The following TMEM102 variants were observed in gnomAD, a reference collection of about 807,000 sequenced individuals.
TMEM102 encodes the protein DANGER family member 2B.
TMEM102 carries 28 observed loss-of-function variants against 26.8 expected under a neutral mutation model. The ratio of observed to expected loss-of-function variants is 1.05; its 90% CI spans 0.77 to 1.43. TMEM102 has a LOEUF of 1.43. TMEM102 is among the 40% of genes most tolerant of loss of function. The probability of loss-of-function intolerance (pLI) is 0.00; values close to 1 mark genes in which losing one functional copy is unlikely to be tolerated. For missense variants in TMEM102, 677 were observed against 705.6 expected, an observed-to-expected ratio of 0.96 and a Z score of 0.46; for synonymous variants, 306 against 332.1, an observed-to-expected ratio of 0.92 and a Z score of 0.86.
Position 7,436,867 on chromosome 17 carries a change from C to G in TMEM102, c.888C>G (p.His296Gln). Reference protein sequence around the residue: ...GAPRLVHAARHAGFTTVLLAT... With the variant: ...GAPRLVHAARQAGFTTVLLAT... Reference sequence around the variant, plus strand: ...CGCGTCTGGTGCACGCAGCTCGCCACGCGGGTTTCACCACCGTCCTCCTGG... The same window carrying G: ...CGCGTCTGGTGCACGCAGCTCGCCAGGCGGGTTTCACCACCGTCCTCCTGG... The change falls in exon 3 of 3, where the codon CAC (histidine) becomes CAG (glutamine). Residue 296 changes from histidine (H) to glutamine (Q), a missense_variant. Physicochemically the swap from His to Gln is conservative, Grantham distance 24 (BLOSUM62 0). Transcript: ENST00000323206. 6.2e-7 allele frequency: 1 copy of G among 1,612,032 alleles called. No individual in the cohort carries two copies. The highest frequency in any genetic ancestry group is 8.5e-7 in the Non-Finnish European group (1 of 1,179,954).
chr17:7,436,982 T>C lies in TMEM102; in HGVS notation c.1003T>C (p.Ser335Pro), dbSNP rs755485831. ...AGWPEGARSH[S>P]WAGPLASESA... ...CTGGCCCGAGGGGGCTCGGAGCCAC[T>C]CGTGGGCCGGTCCGCTGGCCTCTGA... The change falls in exon 3 of 3, where the codon TCG (serine) becomes CCG (proline). Residue 335 changes from serine (S) to proline (P), a missense_variant. By Grantham distance (74) the Ser-to-Pro change is moderately conservative. Transcript: ENST00000323206. 6 of 1,600,360 alleles carry C rather than the reference T, an allele frequency of 3.7e-6. No individual in the cohort carries two copies. In the Admixed American group the frequency reaches 1.0e-4, roughly 27 times the overall value.
At position 7,437,411 on chromosome 17, in the gene TMEM102, G is replaced by C. The variant is rs9902332; in HGVS notation, c.1432G>C (p.Gly478Arg). 1 of 1,517,446 alleles carries C rather than the reference G, an allele frequency of 6.6e-7. No homozygotes were observed. Among genetic ancestry groups the C allele is most frequent in the Non-Finnish European group, 8.8e-7 (1 of 1,131,556 alleles). The allele number at this position is 1,517,446 out of a possible 1,614,324, so 94.0% of individuals were successfully genotyped here. A position where few individuals can be genotyped will look rare whatever the true frequency, so the allele number is the denominator to read the frequency against. The part of the protein sequence containing the change: ...ALLGELARLR[G>R]DPARALRAAV... ...GCTCGGAGAATTGGCCCGGCTCCGC[G>C]GGGACCCGGCCCGGGCCCTCCGTGC... The change falls in exon 3 of 3, where the codon GGG becomes CGG. Residue 478 changes from glycine to arginine, a missense_variant. Gly to Arg is a moderately radical substitution (Grantham distance 125, BLOSUM62 -2). Coordinates refer to ENST00000323206, the MANE Select transcript of TMEM102 (RefSeq NM_178518.3). This position sits in a 1 kb window ranked among gnomAD's most constrained non-coding sequence, Gnocchi z 4.2.
chr17:7,435,882 C>T lies in TMEM102; in HGVS notation c.11C>T (p.Ala4Val). 1 of 1,598,254 alleles carries T rather than the reference C, an allele frequency of 6.3e-7. No individual in the cohort carries two copies. The highest frequency in any genetic ancestry group is 1.1e-5 in the South Asian group (1 of 90,450). Residue 4 changes from alanine (A) to valine (V), a missense_variant, in exon 2 of 3, where the codon GCA becomes GTA. Transcript: ENST00000323206. ...AAGCGATAGAACCGCATGGCTTCCG[C>T]AGTCTGGGGGAGTGCCCCCTGGTGG... is the stretch of plus-strand genomic sequence containing the variant. The part of the protein sequence containing the change: MAS[A>V]VWGSAPWWGP...
In TMEM102 at chr17:7,437,156, C is replaced by A. The variant is rs1908068427; in HGVS notation, c.1177C>A (p.Leu393Met). The change falls in exon 3 of 3, where the codon CTG (leucine) becomes ATG (methionine). Residue 393 changes from leucine to methionine, a missense_variant. Transcript: ENST00000323206. This position sits in a 1 kb window ranked among gnomAD's most constrained non-coding sequence, Gnocchi z 4.2. ...GGCGCACGCGGCGGCCCAGGCGCTACTGCGCCCGCTGGTGGCCGGGACCCG... is the reference window on the plus strand; with the variant it reads ...GGCGCACGCGGCGGCCCAGGCGCTAATGCGCCCGCTGGTGGCCGGGACCCG... ...LQAHAAAQAL[L>M]RPLVAGTRAA... 6.8e-7 allele frequency: 1 copy of A among 1,476,166 alleles called. No individual in the cohort carries two copies. The highest frequency in any genetic ancestry group is 1.5e-5 in the African/African-American group (1 of 67,490). 91.4% of individuals were successfully genotyped at this position (1,476,166 alleles called of 1,614,324 possible). A position where few individuals can be genotyped will look rare whatever the true frequency, so the allele number is the denominator to read the frequency against.
Position 7,435,698 on chromosome 17 carries a change from T to C in TMEM102, c.-20+2T>C, listed in dbSNP as rs377494541. 2 of 612,564 alleles carry C rather than the reference T, an allele frequency of 3.3e-6. No homozygotes were observed. The highest frequency in any genetic ancestry group is 1.8e-5 in the African/African-American group (1 of 54,424). The allele number at this position is 612,564 out of a possible 1,614,324, so 37.9% of individuals were successfully genotyped here. Reference sequence around the variant, plus strand: ...GAGAAAAGGGCCAGGATAGAAGAGGTATTTATTTGTTCATTTTGAGGACTA... The same window carrying C: ...GAGAAAAGGGCCAGGATAGAAGAGGCATTTATTTGTTCATTTTGAGGACTA... On this transcript the variant is annotated splice_donor_variant, in intron 1 of 2. Transcript: ENST00000323206. LOFTEE classifies it low-confidence loss of function (5UTR_SPLICE).
Position 7,436,990 on chromosome 17 carries a change from C to T in TMEM102, c.1011C>T (p.Ala337=). The change falls in exon 3 of 3, where the codon GCC becomes GCT. Residue 337 remains alanine, a synonymous_variant. Coordinates refer to ENST00000323206, the MANE Select transcript of TMEM102 (RefSeq NM_178518.3). ...AGGGGGCTCGGAGCCACTCGTGGGC[C>T]GGTCCGCTGGCCTCTGAGTCGGCTT... ...WPEGARSHSW[A]GPLASESASF... 6.3e-7 allele frequency: 1 copy of T among 1,599,674 alleles called. No homozygotes were observed. Among genetic ancestry groups the T allele is most frequent in the Admixed American group, 1.7e-5 (1 of 59,728 alleles).
chr17:7,435,593 C>A lies in TMEM102; in HGVS notation c.-123C>A. Reference sequence around the variant, plus strand: ...GGGCGGCAGCGGAGGCTGGCTACTGCATTCCGTAGGAGGAGCCAACAGTTA... The same window carrying A: ...GGGCGGCAGCGGAGGCTGGCTACTGAATTCCGTAGGAGGAGCCAACAGTTA... On this transcript the variant is annotated 5_prime_UTR_variant, in exon 1 of 3. Coordinates refer to ENST00000323206, the MANE Select transcript of TMEM102 (RefSeq NM_178518.3). 1 of 401,574 alleles carries A rather than the reference C, an allele frequency of 2.5e-6. No individual in the cohort carries two copies. Among genetic ancestry groups the A allele is most frequent in the Non-Finnish European group, 4.5e-6 (1 of 222,756 alleles). The allele number at this position is 401,574 out of a possible 1,614,324, so 24.9% of individuals were successfully genotyped here.
rs1907997353 is a variant in TMEM102, at chr17:7,435,997, G to A, written c.126G>A (p.Gln42=). Residue 42 remains glutamine, a synonymous_variant, in exon 2 of 3, where the codon CAG becomes CAA. Transcript: ENST00000323206. ...AQLQELTQLI[Q]ELGVQESWSD... ...TGCAGGAATTGACCCAGCTGATCCA[G>A]GAGCTGGGTGTGCAGGAGAGCTGGA... is the stretch of plus-strand genomic sequence containing the variant. The A allele has an allele frequency of 1.2e-6, 2 of 1,613,434 alleles. No individual in the cohort carries two copies. Among genetic ancestry groups the A allele is most frequent in the African/African-American group, 1.3e-5 (1 of 74,954 alleles).
Position 7,436,864 on chromosome 17 carries a change from C to T in TMEM102, c.885C>T (p.Arg295=), listed in dbSNP as rs779402397. The change falls in exon 3 of 3, where the codon CGC becomes CGT. Residue 295 remains arginine, a synonymous_variant. Coordinates refer to ENST00000323206, the MANE Select transcript of TMEM102 (RefSeq NM_178518.3). Reference sequence around the variant, plus strand: ...CTCCGCGTCTGGTGCACGCAGCTCGCCACGCGGGTTTCACCACCGTCCTCC... The same window carrying T: ...CTCCGCGTCTGGTGCACGCAGCTCGTCACGCGGGTTTCACCACCGTCCTCC... The part of the protein sequence containing the change: ...PGAPRLVHAA[R]HAGFTTVLLA... 1.2e-6 allele frequency: 2 copies of T among 1,612,154 alleles called. No homozygotes were observed. Among genetic ancestry groups the T allele is most frequent in the East Asian group, 4.5e-5 (2 of 44,886 alleles).
In TMEM102 at chr17:7,436,077, C is replaced by G. The variant is rs775185949; in HGVS notation, c.206C>G (p.Ser69Cys). 5 of 1,613,668 alleles carry G rather than the reference C, an allele frequency of 3.1e-6. No individual in the cohort carries two copies. The highest frequency in any genetic ancestry group is 4.2e-6 in the Non-Finnish European group (5 of 1,179,900). The change falls in exon 2 of 3, where the codon TCT (serine) becomes TGT (cysteine). Residue 69 changes from serine to cysteine, a missense_variant. Coordinates refer to ENST00000323206, the MANE Select transcript of TMEM102 (RefSeq NM_178518.3). ...DLLRAKDFVFSLLGLVHRRDP... is the reference protein window; with the variant it reads ...DLLRAKDFVFCLLGLVHRRDP... ...CTCCGGGCCAAGGACTTTGTCTTCTCTTTGCTTGGTAAGTAACCCTACTTG... is the reference window on the plus strand; with the variant it reads ...CTCCGGGCCAAGGACTTTGTCTTCTGTTTGCTTGGTAAGTAACCCTACTTG...
rs751456353 is a variant in TMEM102 at position 7,436,832 on chromosome 17, C to G, written c.853C>G (p.Pro285Ala). The G allele has an allele frequency of 6.2e-7, 1 of 1,613,158 alleles. No homozygotes were observed. The highest frequency in any genetic ancestry group is 1.1e-5 in the South Asian group (1 of 91,088). The change falls in exon 3 of 3, where the codon CCG (proline) becomes GCG (alanine). Residue 285 changes from proline to alanine, a missense_variant. Physicochemically the swap from Pro to Ala is conservative, Grantham distance 27 (BLOSUM62 -1). Coordinates refer to ENST00000323206, the MANE Select transcript of TMEM102 (RefSeq NM_178518.3). The stretch of plus-strand genomic sequence containing the variant: ...GGTCGCCGAGTCTCTGATCCCTGTC[C>G]CGGGTGCTCCGCGTCTGGTGCACGC... ...AAVAESLIPV[P>A]GAPRLVHAAR...
Position 7,436,035 on chromosome 17 carries a change from A to C in TMEM102, c.164A>C (p.Lys55Thr). Residue 55 changes from lysine (K) to threonine (T), a missense_variant, in exon 2 of 3, where the codon AAG (lysine) becomes ACG (threonine). Physicochemically the swap from Lys to Thr is moderately conservative, Grantham distance 78 (BLOSUM62 -1). Transcript: ENST00000323206. Reference sequence around the variant, plus strand: ...CAGGAGAGCTGGAGTGACGGGCCCAAGCCGGGAGCCGATCTCCTCCGGGCC... The same window carrying C: ...CAGGAGAGCTGGAGTGACGGGCCCACGCCGGGAGCCGATCTCCTCCGGGCC... ...GVQESWSDGP[K>T]PGADLLRAKD... is the part of the protein sequence containing the mutation. 2 of 1,613,660 alleles carry C rather than the reference A, an allele frequency of 1.2e-6. No homozygotes were observed. The highest frequency in any genetic ancestry group is 1.7e-6 in the Non-Finnish European group (2 of 1,180,030).
chr17:7,435,920 C>G lies in TMEM102; in HGVS notation c.49C>G (p.Pro17Ala). The change falls in exon 2 of 3, where the codon CCG (proline) becomes GCG (alanine). Residue 17 changes from proline (P) to alanine (A), a missense_variant. Pro to Ala is a conservative substitution (Grantham distance 27, BLOSUM62 -1). Coordinates refer to ENST00000323206, the MANE Select transcript of TMEM102 (RefSeq NM_178518.3). ...TGCCCCCTGGTGGGGCCCGCCGCCC[C>G]CGGCCCCAGCTCGGCCGCTCACGGA... ...GSAPWWGPPP[P>A]APARPLTDID... 5 of 1,611,304 alleles carry G rather than the reference C, an allele frequency of 3.1e-6. No homozygotes were observed. The South Asian group carries it at 3.3e-5, about 11-fold the overall frequency.
rs146078823 is a variant in TMEM102 at position 7,437,432 on chromosome 17, C to T, written c.1453C>T (p.Arg485Cys). 4.5e-3 allele frequency: 6,655 copies of T among 1,471,520 alleles called. 27 individuals are homozygous for T. The highest frequency in any genetic ancestry group is 0.015 in the Middle Eastern group (77 of 5,234). 91.2% of individuals were successfully genotyped at this position (1,471,520 alleles called of 1,614,324 possible). Residue 485 changes from arginine (R) to cysteine (C), a missense_variant, in exon 3 of 3, where the codon CGT becomes TGT. Transcript: ENST00000323206. The surrounding 1 kb of genome is among the most constrained non-coding windows in gnomAD (Gnocchi z 4.2). ...CCGCGGGGACCCGGCCCGGGCCCTCCGTGCCGCGGTGGAGGAGGCCAAAGT... is the reference window on the plus strand; with the variant it reads ...CCGCGGGGACCCGGCCCGGGCCCTCTGTGCCGCGGTGGAGGAGGCCAAAGT... The part of the protein sequence containing the change: ...RLRGDPARAL[R>C]AAVEEAKVAR...
Position 7,436,894 on chromosome 17 carries a change from T to G in TMEM102, c.915T>G (p.Ala305=). 1.2e-6 allele frequency: 2 copies of G among 1,610,370 alleles called. No homozygotes were observed. Among genetic ancestry groups the G allele is most frequent in the South Asian group, 2.2e-5 (2 of 91,044 alleles). The part of the protein sequence containing the change: ...RHAGFTTVLL[A]TPEPPRRLLL... ...CGGGTTTCACCACCGTCCTCCTGGC[T>G]ACCCCTGAGCCCCCTCGCCGCCTCC... Residue 305 remains alanine, a synonymous_variant, in exon 3 of 3, where the codon GCT becomes GCG. Transcript: ENST00000323206.
rs777509338 is a variant in TMEM102 at position 7,436,397 on chromosome 17, T to G, written c.418T>G (p.Cys140Gly). The G allele has an allele frequency of 1.9e-6, 3 of 1,613,906 alleles. No individual in the cohort carries two copies. The highest frequency in any genetic ancestry group is 2.5e-6 in the Non-Finnish European group (3 of 1,180,042). Residue 140 changes from cysteine (C) to glycine (G), a missense_variant, in exon 3 of 3, where the codon TGT becomes GGT. Transcript: ENST00000323206. ...GTELQLDLES[C>G]YAQVCLPEMV... ...TGAACTGCAACTGGACCTGGAATCC[T>G]GTTACGCACAGGTCTGCCTCCCAGA...
Position 7,436,543 on chromosome 17 carries a change from C to T in TMEM102, c.564C>T (p.Ser188=), listed in dbSNP as rs1001646359. ...ESEESSKDWQ[S]SVDQPHSYVT... Reference sequence around the variant, plus strand: ...AAGAAAGTTCCAAGGACTGGCAAAGCTCTGTAGACCAGCCGCACAGCTACG... The same window carrying T: ...AAGAAAGTTCCAAGGACTGGCAAAGTTCTGTAGACCAGCCGCACAGCTACG... Residue 188 remains serine (S), a synonymous_variant, in exon 3 of 3, where the codon AGC becomes AGT. Transcript: ENST00000323206. The T allele has an allele frequency of 6.2e-7, 1 of 1,614,034 alleles. No homozygotes were observed. Among genetic ancestry groups the T allele is most frequent in the Admixed American group, 1.7e-5 (1 of 60,030 alleles).
Position 7,437,232 on chromosome 17 carries a change from G to T in TMEM102, c.1253G>T (p.Arg418Leu), listed in dbSNP as rs1016221495. The change falls in exon 3 of 3, where the codon CGG becomes CTG. Residue 418 changes from arginine (R) to leucine (L), a missense_variant. Coordinates refer to ENST00000323206, the MANE Select transcript of TMEM102 (RefSeq NM_178518.3). The surrounding 1 kb of genome is among the most constrained non-coding windows in gnomAD (Gnocchi z 4.2). The stretch of plus-strand genomic sequence containing the variant: ...ACGCTGCTGTACTGGGCGTGCGAGC[G>T]GCTGCCTGCGCTCTACCTGGCGCGG... ...LRTLLYWACE[R>L]LPALYLARPE... is the part of the protein sequence containing the mutation. 3 of 1,515,990 alleles carry T rather than the reference G, an allele frequency of 2.0e-6. No individual in the cohort carries two copies. Among genetic ancestry groups the T allele is most frequent in the Admixed American group, 2.2e-5 (1 of 45,402 alleles). 93.9% of individuals were successfully genotyped at this position (1,515,990 alleles called of 1,614,324 possible).
In TMEM102 at chr17:7,436,882, C is replaced by T. The variant is rs747525167; in HGVS notation, c.903C>T (p.Thr301=). Residue 301 remains threonine, a synonymous_variant, in exon 3 of 3, where the codon ACC becomes ACT. Coordinates refer to ENST00000323206, the MANE Select transcript of TMEM102 (RefSeq NM_178518.3). ...CAGCTCGCCACGCGGGTTTCACCAC[C>T]GTCCTCCTGGCTACCCCTGAGCCCC... is the stretch of plus-strand genomic sequence containing the variant. ...VHAARHAGFT[T]VLLATPEPPR... is the part of the protein sequence containing the mutation. The T allele has an allele frequency of 6.2e-7, 1 of 1,611,222 alleles. No individual in the cohort carries two copies. The highest frequency in any genetic ancestry group is 8.5e-7 in the Non-Finnish European group (1 of 1,179,906).
Sources: allele counts gnomAD v4.1 joint callset, GRCh38; gene constraint gnomAD v4.1.1; non-coding constraint Gnocchi (gnomAD v3.1); transcripts MANE v1.5; gene names NCBI Gene and HGNC (gene_info 2026-07-23, HGNC 2026-07-21).